Variants in EPM2A observed in about 807,000 individuals in gnomAD.
The protein encoded by EPM2A is laforin.
EPM2A carries 21 observed loss-of-function variants against 26.5 expected under a neutral mutation model. That is an observed-to-expected ratio of 0.79 (90% CI 0.56 to 1.14). The LOEUF is 1.14. EPM2A is among the 50% of genes most tolerant of loss of function. The pLI, the probability that EPM2A is intolerant of heterozygous loss-of-function variation, is 0.00. For synonymous variants in EPM2A, 217 were observed against 177.6 expected (o/e 1.22, Z -1.76); for missense variants, 458 against 440.8 (o/e 1.04, Z -0.35).
In EPM2A at chr6:145,607,932, C is replaced by T. The variant is rs181023318; in HGVS notation, c.340+27313G>A. Among the ~76,000 whole-genome samples, 391 of 152,274 alleles carry T rather than the reference C, an allele frequency of 2.6e-3. 3 individuals carry two copies. Among genetic ancestry groups the T allele is most frequent in the African/African-American group, 9.1e-3 (380 of 41,548 alleles). On this transcript the variant is annotated intron_variant, in intron 2 of 3. Coordinates refer to the EPM2A transcript ENST00000450221. ...AGCTCTTGCTATCATGTGAGGCCAA[C>T]GCTTACCATGTTACTGCCTTGCTGT...
At chr6:145,615,265 G>C (rs1340481353) in intron 2 of EPM2A, among the ~76,000 whole-genome samples, 3 of 152,108 alleles carry the variant, frequency 2.0e-5, no homozygotes, top group African/African-American at 7.2e-5. Flanking sequence ...AGTCTCACAA[G>C]ATCTGATGGT....
chr6:145,681,166 G>GT (rs1372881648), intron 2 of EPM2A, among the ~76,000 whole-genome samples: 1 of 150,990 alleles, frequency 6.6e-6, no homozygotes, highest in Non-Finnish European at 1.5e-5. Flanking sequence ...TTTTTCATGT[G>GT]TTTTTTGGCT....
At chr6:145,395,484 AT>A (rs1778392766) in intron 4 of EPM2A, among the ~76,000 whole-genome samples, 1 of 152,086 alleles carries the variant, frequency 6.6e-6, no homozygotes, top group Non-Finnish European at 1.5e-5. Context: ...AGTCATGGCC[AT>A]TTTCACCCTC....
intron 2 of EPM2A, among the ~76,000 whole-genome samples, chr6:145,679,459 A>G (rs1318203340): frequency 6.6e-6 from 1 of 152,030 alleles, no homozygotes; most frequent in Non-Finnish European, 1.5e-5. Flanking sequence ...GAAAAAAAAG[A>G]AATGCAAAAT....
chr6:145,490,042 C>T, intron 4 of EPM2A: 1 of 1,321,460 alleles, frequency 7.6e-7, no homozygotes. Flanking sequence ...AATCCACAGT[C>T]ACTTGTGCTG....
chr6:145,657,478 T>C (rs1200155437), intron 2 of EPM2A, among the ~76,000 whole-genome samples: 1 of 152,234 alleles, frequency 6.6e-6, no homozygotes. Flanking sequence ...TTCTTCTTCC[T>C]ATTTAACTGA....
intron 2 of EPM2A, among the ~76,000 whole-genome samples, chr6:145,584,822 C>T (rs758650145): frequency 6.6e-6 from 1 of 152,166 alleles, no homozygotes; most frequent in Non-Finnish European, 1.5e-5. Flanking sequence ...CAATGCCTTC[C>T]CTCTGAAGAT....
chr6:145,631,363 C>T (rs181949588), intron 3 of EPM2A: 2 of 152,166 alleles, frequency 1.3e-5, no homozygotes. Flanking sequence ...CAAGAAAAGA[C>T]AGAAATCCAG....
At chr6:145,508,004 A>T (rs909765467) in intron 2 of EPM2A, among the ~76,000 whole-genome samples, 4 of 152,188 alleles carry the variant, frequency 2.6e-5, no homozygotes, top group African/African-American at 9.7e-5. Context: ...TCTAACCCCC[A>T]GTACTAAGTG....
chr6:145,532,705 T>A (rs1423623916), intron 2 of EPM2A, among the ~76,000 whole-genome samples: 1 of 152,206 alleles, frequency 6.6e-6, no homozygotes, highest in Non-Finnish European at 1.5e-5. Context: ...ATGATTCATC[T>A]GTTGTTGGGT....
intron 2 of EPM2A, among the ~76,000 whole-genome samples, chr6:145,567,507 C>T (rs1019546565): frequency 6.6e-6 from 1 of 152,164 alleles, no homozygotes; most frequent in African/African-American, 2.4e-5. Flanking sequence ...AGCAATTTGG[C>T]AGAGGTGGAT....
chr6:145,726,371 T>C (rs765705303), intron 1 of EPM2A, among the ~76,000 whole-genome samples: 2 of 152,132 alleles, frequency 1.3e-5, no homozygotes, highest in Non-Finnish European at 2.9e-5. Flanking sequence ...TCCATATAAA[T>C]ACATTCCAGA....
chr6:145,490,563 G>A, intron 4 of EPM2A: 1 of 704,800 alleles, frequency 1.4e-6, no homozygotes, highest in Non-Finnish European at 2.7e-6. Context: ...GCTTCTTAGT[G>A]ACTCCACCTT....
chr6:145,609,682 T>C (rs1367252192), intron 2 of EPM2A, among the ~76,000 whole-genome samples: 1 of 152,170 alleles, frequency 6.6e-6, no homozygotes, highest in African/African-American at 2.4e-5. Flanking sequence ...TTACAGCTTG[T>C]TCAGCTGTAC....
intron 4 of EPM2A, chr6:145,492,085 A>T: frequency 4.0e-6 from 1 of 248,552 alleles, no homozygotes; most frequent in Non-Finnish European, 7.9e-6. Flanking sequence ...CCTCTCTTCA[A>T]CCTCCATGGC....
At chr6:145,534,545 C>T (rs1780404988) in intron 2 of EPM2A, among the ~76,000 whole-genome samples, 1 of 152,200 alleles carries the variant, frequency 6.6e-6, no homozygotes, top group Non-Finnish European at 1.5e-5. Context: ...TTATGCACCT[C>T]TTAGGAGTCC....
intron 1 of EPM2A, among the ~76,000 whole-genome samples, chr6:145,723,714 T>C (rs1320893370): frequency 6.6e-6 from 1 of 152,108 alleles, no homozygotes; most frequent in African/African-American, 2.4e-5. Flanking sequence ...ATAAATGCCA[T>C]GGATTTCTGA....
intron 2 of EPM2A, among the ~76,000 whole-genome samples, chr6:145,528,383 A>G (rs762179693): frequency 2.6e-5 from 4 of 152,142 alleles, no homozygotes; most frequent in African/African-American, 9.7e-5. Context: ...ATCTCAAAGA[A>G]TAGCCTATCT....
In EPM2A at chr6:145,678,656, T is replaced by C. The variant is rs139748802; in HGVS notation, c.476+7466A>G. 2.7e-3 allele frequency among the ~76,000 whole-genome samples: 411 copies of C among 152,190 alleles called. 1 individual carries two copies. Among genetic ancestry groups the C allele is most frequent in the African/African-American group, 8.0e-3 (332 of 41,546 alleles). On this transcript the variant is annotated intron_variant, in intron 2 of 3. Coordinates refer to ENST00000367519, the MANE Select transcript of EPM2A (RefSeq NM_005670.4). ...CAACAGACACATGAAAAAATGTTCATCATCCCTGGTCATCAGAGAAATACA... is the reference window on the plus strand; with the variant it reads ...CAACAGACACATGAAAAAATGTTCACCATCCCTGGTCATCAGAGAAATACA...
Sources: allele counts gnomAD v4.1 joint callset (sites outside exome capture counted in the v4.1 genomes callset), GRCh38; gene constraint gnomAD v4.1.1; transcripts MANE v1.5; gene names NCBI Gene and HGNC (gene_info 2026-07-23, HGNC 2026-07-21).